NOC3L: variants seen among roughly 807,000 people sequenced by gnomAD.
The protein encoded by NOC3L is NOC3 like DNA replication regulator, also known as nucleolar complex protein 3 homolog.
Under a neutral mutation model 102.5 loss-of-function variants are expected in NOC3L, and 85 were observed. That is an observed-to-expected ratio of 0.83 (90% confidence interval 0.70 to 0.99). The LOEUF (loss-of-function observed/expected upper bound fraction) is 0.99. Among genes scored for constraint, NOC3L ranks in the 50% least tolerant of loss-of-function variants. The pLI, the probability that NOC3L is intolerant of heterozygous loss-of-function variation, is 0.00. For synonymous variants in NOC3L, 303 were observed against 309.4 expected (o/e 0.98, Z 0.22); for missense variants, 878 against 914.9 (o/e 0.96, Z 0.52).
intron 19 of NOC3L, among the ~76,000 whole-genome samples, chr10:94,337,394 G>A (rs2054232634): frequency 6.6e-6 from 1 of 151,192 alleles, no homozygotes; most frequent in South Asian, 2.1e-4. Context: ...GAGAAAGCAA[G>A]GAAGCTTAAT....
At chr10:94,340,822 A>C (rs996286016) in intron 14 of NOC3L, among the ~76,000 whole-genome samples, 1 of 151,980 alleles carries the variant, frequency 6.6e-6, no homozygotes, top group Non-Finnish European at 1.5e-5. Flanking sequence ...TCTACTAAAA[A>C]TACAAAAAAT....
At chr10:94,340,385 A>G in intron 15 of NOC3L, 38 bp from the exon 16 acceptor site, 1 of 1,608,496 alleles carries the variant, frequency 6.2e-7, no homozygotes, top group Non-Finnish European at 8.5e-7. Flanking sequence ...GGTATGTTAT[A>G]GCATTCAAAG....
At chr10:94,326,766 T>G in the NOC3L span, among the ~76,000 whole-genome samples, 1 of 152,256 alleles carries the variant, frequency 6.6e-6, no homozygotes, top group Non-Finnish European at 1.5e-5. Flanking sequence ...CAAGTAGATA[T>G]TTATTTTTTC....
chr10:94,344,135 G>A (rs1003859733), intron 13 of NOC3L, among the ~76,000 whole-genome samples: 4 of 152,182 alleles, frequency 2.6e-5, no homozygotes, highest in African/African-American at 9.7e-5. Context: ...TGACTACACA[G>A]TGCAGAAAGA....
At position 94,349,247 on chromosome 10, in the gene NOC3L, C is replaced by T. The variant is rs922401773; in HGVS notation, c.1257+3G>A. 16 of 1,553,362 alleles carry T rather than the reference C, an allele frequency of 1.0e-5. No homozygotes were observed. The highest frequency in any genetic ancestry group is 1.4e-5 in the Non-Finnish European group (16 of 1,161,022). On this transcript the variant is annotated splice_donor_region_variant and intron_variant, in intron 10 of 20. Coordinates refer to ENST00000371361, the MANE Select transcript of NOC3L (RefSeq NM_022451.11). ...AATGCAAAGTAAAAAAAAAAAGGCT[C>T]ACCTCTGGCCTAACTTCGTAATTTC...
At chr10:94,319,378 G>T in the NOC3L span, among the ~76,000 whole-genome samples, 6 of 152,188 alleles carry the variant, frequency 3.9e-5, no homozygotes, top group African/African-American at 1.4e-4. Flanking sequence ...AGAGGAGACA[G>T]ATTTGGGCTA....
intron 6 of NOC3L, among the ~76,000 whole-genome samples, chr10:94,353,588 C>T (rs1460493415): frequency 1.3e-5 from 2 of 152,196 alleles, no homozygotes; most frequent in South Asian, 2.1e-4. Flanking sequence ...CCACTTCCAA[C>T]ATCAGAGGTC....
chr10:94,321,815 A>G, the NOC3L span: 70 of 969,356 alleles, frequency 7.2e-5, no homozygotes, highest in African/African-American at 1.0e-3. Flanking sequence ...CATCACCAAG[A>G]TACAAGCTCA....
chr10:94,317,017 G>A, the NOC3L span, among the ~76,000 whole-genome samples: 66 of 152,328 alleles, frequency 4.3e-4, no homozygotes, highest in East Asian at 8.7e-3. Context: ...TTGGGAGGCC[G>A]AGGTGGGTGG....
intron 1 of NOC3L, chr10:94,362,090 GT>G (rs2054558096): frequency 1.7e-6 from 1 of 597,082 alleles, no homozygotes; most frequent in Non-Finnish European, 3.0e-6. Flanking sequence ...AATTCAAAGG[GT>G]TCTACGATCC....
At chr10:94,322,368 A>AG in the NOC3L span, among the ~76,000 whole-genome samples, 1 of 151,948 alleles carries the variant, frequency 6.6e-6, no homozygotes, top group Non-Finnish European at 1.5e-5. Context: ...GAAAAAAAAA[A>AG]CAACCAACCC....
In NOC3L at chr10:94,362,931, T is replaced by C. The variant is rs546728048; in HGVS notation, c.-93A>G. 71 of 1,597,064 alleles carry C rather than the reference T, an allele frequency of 4.4e-5. No homozygotes were observed. The African/African-American group carries it at 8.2e-4, about 18-fold the overall frequency. On this transcript the variant is annotated 5_prime_UTR_variant, in exon 1 of 21. Coordinates refer to ENST00000371361, the MANE Select transcript of NOC3L (RefSeq NM_022451.11). The stretch of plus-strand genomic sequence containing the variant: ...GGAATGACACACGTGCCGAAGTCCC[T>C]ACACTACCAGAGCCGGAAACGGCCT...
intron 8 of NOC3L, among the ~76,000 whole-genome samples, chr10:94,350,743 A>G (rs1283834963): frequency 6.6e-6 from 1 of 151,698 alleles, no homozygotes. Context: ...AAGAAGAAGA[A>G]AAAAAGACTT....
chr10:94,340,061 CT>C, intron 16 of NOC3L, 141 bp from the exon 17 acceptor site: 1 of 777,126 alleles, frequency 1.3e-6, no homozygotes, highest in Admixed American at 2.8e-5. Context: ...TGCTATACTG[CT>C]AAGGAGATAC....
At chr10:94,345,250 T>C (rs1197875746) in intron 11 of NOC3L, among the ~76,000 whole-genome samples, 1 of 151,918 alleles carries the variant, frequency 6.6e-6, no homozygotes. Context: ...GAATAGCAGA[T>C]ATCTGGGATA....
At position 94,356,597 on chromosome 10, in the gene NOC3L, TG is replaced by T; in HGVS notation, c.509-7del. On this transcript the variant is annotated splice_region_variant and splice_polypyrimidine_tract_variant and intron_variant, in intron 4 of 20. Coordinates refer to ENST00000371361, the MANE Select transcript of NOC3L (RefSeq NM_022451.11). ...ATCTTTGTTACTATCAGTAACTATA[TG>T]GAAAACATATGTATTAAAACTGTGA... The T allele has an allele frequency of 6.6e-7, 1 of 1,516,150 alleles. No homozygotes were observed. 93.9% of individuals were successfully genotyped at this position (1,516,150 alleles called of 1,614,324 possible).
At chr10:94,353,644 C>T (rs2054449169) in intron 6 of NOC3L, among the ~76,000 whole-genome samples, 1 of 152,194 alleles carries the variant, frequency 6.6e-6, no homozygotes, top group Non-Finnish European at 1.5e-5. Flanking sequence ...CAAACTATAT[C>T]AGTAATCATA....
intron 20 of NOC3L, 30 bp from the exon 21 acceptor site, chr10:94,334,335 A>C (rs776338495): frequency 6.9e-7 from 1 of 1,446,730 alleles, no homozygotes; most frequent in Non-Finnish European, 9.6e-7. Flanking sequence ...ATGAGTTAGA[A>C]GTTACTTATG....
the NOC3L span, among the ~76,000 whole-genome samples, chr10:94,322,368 A>C: frequency 9.9e-4 from 151 of 152,066 alleles, 1 homozygote; most frequent in East Asian, 0.014. Flanking sequence ...GAAAAAAAAA[A>C]CAACCAACCC....
Sources: allele counts gnomAD v4.1 joint callset (sites outside exome capture counted in the v4.1 genomes callset), GRCh38; gene constraint gnomAD v4.1.1; transcripts MANE v1.5; gene names NCBI Gene and HGNC (gene_info 2026-07-23, HGNC 2026-07-21).